The following GSK3A variants were observed in gnomAD, a reference collection of about 807,000 sequenced individuals.
GSK3A encodes the protein glycogen synthase kinase-3 alpha.
A neutral mutation model predicts 56.6 loss-of-function variants in GSK3A; 14 were observed. The ratio of observed to expected loss-of-function variants is 0.25; its 90% CI spans 0.16 to 0.39. The LOEUF is 0.39. Among genes scored for constraint, GSK3A ranks in the 10% least tolerant of loss-of-function variants. The pLI is 1.00. For missense variants in GSK3A, 450 were observed against 656.0 expected, an observed-to-expected ratio of 0.69 and a Z score of 3.43; for synonymous variants, 301 against 285.0, an observed-to-expected ratio of 1.06 and a Z score of -0.56.
intron 2 of GSK3A, among the ~76,000 whole-genome samples, chr19:42,239,492 G>A (rs946156682): frequency 2.0e-5 from 3 of 152,046 alleles, no homozygotes; most frequent in African/African-American, 4.8e-5. Flanking sequence ...GGAAGAGCGC[G>A]ACCTTCAGAA....
chr19:42,232,217 A>C (rs1017526677), intron 9 of GSK3A, 68 bp from the exon 10 acceptor site: 1 of 978,240 alleles, frequency 1.0e-6, no homozygotes, highest in African/African-American at 1.6e-5. Flanking sequence ...ACCAAATGGG[A>C]ACCCAGCTAT....
At chr19:42,232,780 G>A (rs1296080795) in intron 8 of GSK3A, 98 bp from the exon 9 acceptor site, 1 of 1,034,524 alleles carries the variant, frequency 9.7e-7, no homozygotes, top group Non-Finnish European at 1.4e-6. Context: ...AGTTATGACT[G>A]GTTGCTTCCC....
chr19:42,233,700 T>C (rs2036239582), intron 6 of GSK3A, among the ~76,000 whole-genome samples: 1 of 152,132 alleles, frequency 6.6e-6, no homozygotes, highest in Non-Finnish European at 1.5e-5. Flanking sequence ...CCCATGTTCT[T>C]TGGGCCACAG....
In GSK3A at chr19:42,242,387, C is replaced by T. The variant is rs2036299453; in HGVS notation, c.79G>A (p.Gly27Ser). The change falls in exon 1 of 11, where the codon GGC (glycine) becomes AGC (serine). Residue 27 changes from glycine (G) to serine (S), a missense_variant. By Grantham distance (56) the Gly-to-Ser change is moderately conservative. Coordinates refer to ENST00000222330, the MANE Select transcript of GSK3A (RefSeq NM_019884.3). Reference sequence around the variant, plus strand: ...CCGCCGCCGCCTCCTCCGCCTCCGCCGCCGGGCTCCGCGAACGAGCTAGTC... The same window carrying T: ...CCGCCGCCGCCTCCTCCGCCTCCGCTGCCGGGCTCCGCGAACGAGCTAGTC... The part of the protein sequence containing the change: ...ARTSSFAEPG[G>S]GGGGGGGGPG... 1 of 1,388,452 alleles carries T rather than the reference C, an allele frequency of 7.2e-7. No homozygotes were observed. The highest frequency in any genetic ancestry group is 1.5e-5 in the South Asian group (1 of 65,070). 86.0% of individuals were successfully genotyped at this position (1,388,452 alleles called of 1,614,324 possible). A position where few individuals can be genotyped will look rare whatever the true frequency, so the allele number is the denominator to read the frequency against.
At chr19:42,239,860 G>T in intron 2 of GSK3A, 95 bp downstream of exon 2, 1 of 971,894 alleles carries the variant, frequency 1.0e-6, no homozygotes, top group Non-Finnish European at 1.6e-6. Context: ...CTGGCCCATG[G>T]CTCTGAAACC....
At chr19:42,235,545 GC>G (rs1228127776) in intron 4 of GSK3A, among the ~76,000 whole-genome samples, 1 of 152,028 alleles carries the variant, frequency 6.6e-6, no homozygotes, top group Non-Finnish European at 1.5e-5. Flanking sequence ...TGCTTCCTAG[GC>G]CCCCTTCCTT....
rs769150560 is a variant in GSK3A, at chr19:42,238,606, CAAAAAAAAA to C, written c.471+1340_471+1348del. ...TGGGTGACAGCATGAGACTCCGTCT[CAAAAAAAAA>C]AAAAAAAAAAAAAAAAAGATTTCAC... On this transcript the variant is annotated intron_variant, in intron 2 of 10. Transcript: ENST00000222330. Among the ~76,000 whole-genome samples, 24 of 33,156 alleles carry C rather than the reference CAAAAAAAAA, an allele frequency of 7.2e-4. No homozygotes were observed. The East Asian group carries it at 0.02, about 27-fold the overall frequency. The allele number at this position is 33,156 out of a possible 152,430, so 21.8% of individuals were successfully genotyped here.
At chr19:42,242,042 G>A in intron 1 of GSK3A, 141 bp downstream of exon 1, 2 of 650,356 alleles carry the variant, frequency 3.1e-6, no homozygotes, top group Non-Finnish European at 2.2e-6. Flanking sequence ...CTTTTCCTGG[G>A]AGGAAGAGGG....
intron 1 of GSK3A, 119 bp downstream of exon 1, chr19:42,242,064 G>C: frequency 1.1e-6 from 1 of 870,592 alleles, no homozygotes; most frequent in South Asian, 4.7e-5. Context: ...TCGGATCCCC[G>C]GTATGGGGAG....
intron 2 of GSK3A, among the ~76,000 whole-genome samples, chr19:42,239,398 A>C (rs911746102): frequency 6.6e-6 from 1 of 151,858 alleles, no homozygotes; most frequent in African/African-American, 2.4e-5. Context: ...CTCAACTTCC[A>C]CTTCCTCCAT....
In GSK3A at chr19:42,234,330, C is replaced by T. The variant is rs770857449; in HGVS notation, c.904+23G>A. 2.2e-5 allele frequency: 34 copies of T among 1,580,700 alleles called. No individual in the cohort carries two copies. In the Admixed American group the frequency reaches 3.2e-4, roughly 15 times the overall value. On this transcript the variant is annotated intron_variant, in intron 6 of 10. Coordinates refer to ENST00000222330, the MANE Select transcript of GSK3A (RefSeq NM_019884.3). This position sits in a 1 kb window ranked among gnomAD's most constrained non-coding sequence, Gnocchi z 5.7. The stretch of plus-strand genomic sequence containing the variant: ...AAACTTCCCAGATTGCCACTCCCCC[C>T]GCCACCCTCCCATAACTCTGACCGA...
At chr19:42,235,813 C>T (rs1271417932) in intron 4 of GSK3A, among the ~76,000 whole-genome samples, 1 of 152,212 alleles carries the variant, frequency 6.6e-6, no homozygotes, top group Non-Finnish European at 1.5e-5. Flanking sequence ...CTCTGGAATT[C>T]CTCAGCCCTG....
At chr19:42,235,152 G>A (rs938313516) in intron 4 of GSK3A, among the ~76,000 whole-genome samples, 1 of 152,078 alleles carries the variant, frequency 6.6e-6, no homozygotes, top group South Asian at 2.1e-4. Context: ...GGACTGCTGG[G>A]CCCCACTCTT....
chr19:42,236,524 T>G, intron 4 of GSK3A, 82 bp downstream of exon 4: 4 of 846,264 alleles, frequency 4.7e-6, no homozygotes, highest in Non-Finnish European at 6.2e-6. Flanking sequence ...ACTTGGCGGA[T>G]GAGGGATCCC....
In GSK3A at chr19:42,234,812, T is replaced by G; in HGVS notation, c.667-134A>C. On this transcript the variant is annotated intron_variant, in intron 4 of 10. Coordinates refer to ENST00000222330, the MANE Select transcript of GSK3A (RefSeq NM_019884.3). This position sits in a 1 kb window ranked among gnomAD's most constrained non-coding sequence, Gnocchi z 5.7. ...CCCCACAGCTTTGGGGAAACCCATT[T>G]GAAACCTTGGTTCTCTTAATGTGCA... 1 of 915,654 alleles carries G rather than the reference T, an allele frequency of 1.1e-6. No homozygotes were observed. The highest frequency in any genetic ancestry group is 3.5e-4 in the Middle Eastern group (1 of 2,844). 56.7% of individuals were successfully genotyped at this position (915,654 alleles called of 1,614,324 possible). A position where few individuals can be genotyped will look rare whatever the true frequency, so the allele number is the denominator to read the frequency against.
At chr19:42,232,260 C>T (rs149030192) in intron 9 of GSK3A, 111 bp from the exon 10 acceptor site, 2 of 760,044 alleles carry the variant, frequency 2.6e-6, no homozygotes, top group Non-Finnish European at 4.5e-6. Context: ...ACACCTTCAG[C>T]CACAGACCTC....
At chr19:42,231,852 C>G (rs963555487) in intron 10 of GSK3A, among the ~76,000 whole-genome samples, 1 of 151,928 alleles carries the variant, frequency 6.6e-6, no homozygotes, top group Non-Finnish European at 1.5e-5. Context: ...CTCTGGCTTT[C>G]CCATTGGCAT....
chr19:42,234,518 C>G lies in GSK3A; in HGVS notation c.797+30G>C. Reference sequence around the variant, plus strand: ...GCAAGGGTTGGGGTCCCCCCTGCCTCTTCAGCCACCCAACATGCCCCAGGC... The same window carrying G: ...GCAAGGGTTGGGGTCCCCCCTGCCTGTTCAGCCACCCAACATGCCCCAGGC... On this transcript the variant is annotated intron_variant, in intron 5 of 10. Coordinates refer to ENST00000222330, the MANE Select transcript of GSK3A (RefSeq NM_019884.3). The surrounding 1 kb of genome is among the most constrained non-coding windows in gnomAD (Gnocchi z 5.7). 2 of 1,612,434 alleles carry G rather than the reference C, an allele frequency of 1.2e-6. No homozygotes were observed. The highest frequency in any genetic ancestry group is 1.7e-6 in the Non-Finnish European group (2 of 1,178,554).
chr19:42,241,975 TAGTAATTCTGATCCACG>T, intron 1 of GSK3A, 191 bp downstream of exon 1: 2 of 414,404 alleles, frequency 4.8e-6, no homozygotes, highest in Non-Finnish European at 8.3e-6. Context: ...CTTTAAGTGT[TAGTAATTCTGATCCACG>T]AGTAATTCTG....
Sources: gnomAD v4.1 joint callset for allele counts (sites outside exome capture counted in the v4.1 genomes callset) on GRCh38, gnomAD v4.1.1 for gene constraint, Gnocchi (gnomAD v3.1) non-coding constraint, MANE v1.5 for transcripts, NCBI Gene and HGNC (gene_info 2026-07-23, HGNC 2026-07-21) for gene names.